Variants in MED12L observed in about 807,000 individuals in gnomAD.
MED12L encodes the protein mediator of RNA polymerase II transcription subunit 12-like protein.
In MED12L, 60 loss-of-function variants were observed where a neutral mutation model predicts 281.3. The observed-to-expected ratio is 0.21, with a 90% CI of 0.17 to 0.26. The LOEUF (loss-of-function observed/expected upper bound fraction) is 0.26. MED12L is among the 10% of genes least tolerant of loss of function. The pLI is 1.00. For missense variants in MED12L, 2,146 were observed against 2,680.9 expected, an observed-to-expected ratio of 0.80 and a Z score of 4.41; for synonymous variants, 974 against 987.2, an observed-to-expected ratio of 0.99 and a Z score of 0.25.
At chr3:151,409,458 T>G in intron 40 of MED12L, 126 bp downstream of exon 40, 1 of 765,746 alleles carries the variant, frequency 1.3e-6, no homozygotes. Context: ...CTTCTACTTA[T>G]AGATTATAAT....
At chr3:151,375,970 C>CATATATATATAT (rs148538586) in intron 27 of MED12L, 56 bp from the exon 28 acceptor site, 25,416 of 803,958 alleles carry the variant, frequency 0.032, 499 homozygotes, top group Middle Eastern at 0.11. Context: ...GTACATATTG[C>CATATATATATAT]ATATATATAT....
intron 20 of MED12L, among the ~76,000 whole-genome samples, chr3:151,359,306 T>C (rs1390435016): frequency 1.3e-5 from 2 of 152,188 alleles, no homozygotes; most frequent in Non-Finnish European, 2.9e-5. Flanking sequence ...GTTTATATAG[T>C]TAACAGGTTG....
At chr3:151,427,912 T>C (rs1280944325) in intron 43 of MED12L, among the ~76,000 whole-genome samples, 2 of 152,194 alleles carry the variant, frequency 1.3e-5, no homozygotes, top group African/African-American at 2.4e-5. Flanking sequence ...GTCATAGATA[T>C]GGGACATTTT....
Position 151,344,618 on chromosome 3 carries a change from G to C in MED12L, c.2251-5441G>C, listed in dbSNP as rs371989038. Among the ~76,000 whole-genome samples, 12 of 152,292 alleles carry C rather than the reference G, an allele frequency of 7.9e-5. No individual in the cohort carries two copies. In the East Asian group the frequency reaches 2.3e-3, roughly 29 times the overall value. ...GCAGTTTACTTCCGGATATATACTGGATTTGCATTTGAAGTAGAGCATGCA... is the reference window on the plus strand; with the variant it reads ...GCAGTTTACTTCCGGATATATACTGCATTTGCATTTGAAGTAGAGCATGCA... On this transcript the variant is annotated intron_variant, in intron 16 of 44. Transcript: ENST00000687756.
Position 151,425,827 on chromosome 3 carries a change from C to A in MED12L, c.6409-4472C>A, listed in dbSNP as rs1489642217. The A allele has an allele frequency of 1.1e-4, 48 of 443,288 alleles. No homozygotes were observed. In the Admixed American group the frequency reaches 1.1e-3, roughly 11 times the overall value. 27.5% of individuals were successfully genotyped at this position (443,288 alleles called of 1,614,324 possible). A position where few individuals can be genotyped will look rare whatever the true frequency, so the allele number is the denominator to read the frequency against. ...TACTAAGGATACAAAAGCAGTGATTCACTCTTTAAATGCGTGAGGGAATGG... is the reference window on the plus strand; with the variant it reads ...TACTAAGGATACAAAAGCAGTGATTAACTCTTTAAATGCGTGAGGGAATGG... On this transcript the variant is annotated intron_variant, in intron 43 of 44. Coordinates refer to ENST00000687756, the MANE Select transcript of MED12L (RefSeq NM_001393769.1).
At chr3:151,277,192 C>T (rs578150922) in intron 16 of MED12L, among the ~76,000 whole-genome samples, 28 of 151,816 alleles carry the variant, frequency 1.8e-4, no homozygotes, top group African/African-American at 6.5e-4. Context: ...GTGTGAGCCA[C>T]CATGCCTGGC....
intron 4 of MED12L, among the ~76,000 whole-genome samples, chr3:151,127,611 TTTGA>T (rs1714725445): frequency 6.6e-6 from 1 of 152,208 alleles, no homozygotes; most frequent in South Asian, 2.1e-4. Context: ...TACACCTAGT[TTTGA>T]TTATTTTTTT....
At chr3:151,304,022 A>G (rs964758766) in intron 16 of MED12L, among the ~76,000 whole-genome samples, 1 of 152,184 alleles carries the variant, frequency 6.6e-6, no homozygotes, top group African/African-American at 2.4e-5. Context: ...ACTGGATGGG[A>G]TTCAGCAACA....
chr3:151,344,009 G>T (rs1406151737), intron 16 of MED12L, among the ~76,000 whole-genome samples: 1 of 152,032 alleles, frequency 6.6e-6, no homozygotes, highest in Non-Finnish European at 1.5e-5. Context: ...TGCTAGCTTG[G>T]CTTTATCCAT....
intron 5 of MED12L, among the ~76,000 whole-genome samples, chr3:151,135,239 A>T (rs1301487791): frequency 6.6e-6 from 1 of 151,768 alleles, no homozygotes; most frequent in Non-Finnish European, 1.5e-5. Context: ...TTGGTCTTGA[A>T]CTCCTGACCT....
At chr3:151,283,948 C>T (rs113829400) in intron 16 of MED12L, among the ~76,000 whole-genome samples, 4,317 of 152,262 alleles carry the variant, frequency 0.028, 152 homozygotes, top group African/African-American at 0.077. Context: ...GAGGATGACA[C>T]GCCGCTTTAT....
intron 5 of MED12L, among the ~76,000 whole-genome samples, chr3:151,131,108 T>C (rs1233073930): frequency 6.6e-6 from 1 of 152,224 alleles, no homozygotes; most frequent in Non-Finnish European, 1.5e-5. Flanking sequence ...TGATAATCCT[T>C]GAAACTTTCA....
At chr3:151,311,781 C>A (rs1280302554) in intron 16 of MED12L, among the ~76,000 whole-genome samples, 1 of 152,056 alleles carries the variant, frequency 6.6e-6, no homozygotes, top group Admixed American at 6.5e-5. Flanking sequence ...AATCCCAGCA[C>A]TTTGGGAGGC....
intron 5 of MED12L, among the ~76,000 whole-genome samples, chr3:151,141,190 T>TTTTTG (rs1560087974): frequency 2.2e-5 from 3 of 135,180 alleles, no homozygotes; most frequent in South Asian, 4.6e-4. Flanking sequence ...TTTTTTTGTT[T>TTTTTG]TTTTTTTTTT....
chr3:151,149,762 T>G (rs1234132265), intron 5 of MED12L, among the ~76,000 whole-genome samples: 1 of 152,252 alleles, frequency 6.6e-6, no homozygotes, highest in African/African-American at 2.4e-5. Flanking sequence ...TTATGGAATA[T>G]TCCAAATCCT....
At chr3:151,091,164 C>T (rs1025804592) in intron 2 of MED12L, among the ~76,000 whole-genome samples, 5 of 152,174 alleles carry the variant, frequency 3.3e-5, no homozygotes, top group Admixed American at 1.3e-4. Context: ...ATGAGATTTC[C>T]GGGAATCAGG....
intron 13 of MED12L, among the ~76,000 whole-genome samples, chr3:151,189,666 C>G (rs1411934365): frequency 1.3e-5 from 2 of 152,146 alleles, no homozygotes; most frequent in South Asian, 2.1e-4. Flanking sequence ...CATTTAGGTT[C>G]AAGGTTTAGG....
chr3:151,164,134 T>TG, intron 9 of MED12L, 92 bp downstream of exon 9: 1 of 1,375,970 alleles, frequency 7.3e-7, no homozygotes, highest in Non-Finnish European at 1.0e-6. Context: ...AGTATCTAGA[T>TG]GCTTGGGTGC....
At chr3:151,262,035 A>G (rs1288824882) in intron 16 of MED12L, among the ~76,000 whole-genome samples, 1 of 152,166 alleles carries the variant, frequency 6.6e-6, no homozygotes. Context: ...CTGAAGGGGT[A>G]GATGTTTTAA....
Sources: gnomAD v4.1 joint callset for allele counts (sites outside exome capture counted in the v4.1 genomes callset) on GRCh38, gnomAD v4.1.1 for gene constraint, MANE v1.5 for transcripts, NCBI Gene and HGNC (gene_info 2026-07-23, HGNC 2026-07-21) for gene names.